Variants in ATP6V1D observed in about 807,000 individuals in gnomAD.
ATP6V1D encodes V-type proton ATPase subunit D.
ATP6V1D carries 20 observed loss-of-function variants against 39.4 expected under a neutral mutation model. The ratio of observed to expected loss-of-function variants is 0.51; its 90% CI spans 0.36 to 0.74. The LOEUF (loss-of-function observed/expected upper bound fraction) is 0.74, where lower values mean the gene tolerates loss of function less well. Among genes scored for constraint, ATP6V1D ranks in the 30% least tolerant of loss-of-function variants. The pLI, the probability that ATP6V1D is intolerant of heterozygous loss-of-function variation, is 0.00. For missense variants in ATP6V1D, 228 were observed against 291.6 expected, an observed-to-expected ratio of 0.78 and a Z score of 1.59; for synonymous variants, 100 against 100.5, an observed-to-expected ratio of 0.99 and a Z score of 0.03.
rs1314117977 is a variant in ATP6V1D at position 67,359,788 on chromosome 14, G to A, written c.-90C>T. 4 of 1,469,850 alleles carry A rather than the reference G, an allele frequency of 2.7e-6. No individual in the cohort carries two copies. Among genetic ancestry groups the A allele is most frequent in the Non-Finnish European group, 3.8e-6 (4 of 1,059,894 alleles). The allele number at this position is 1,469,850 out of a possible 1,614,324, so 91.1% of individuals were successfully genotyped here. A position where few individuals can be genotyped will look rare whatever the true frequency, so the allele number is the denominator to read the frequency against. ...TGGCCTCCACAGTGTCTTCCTCTAC[G>A]GGAGTCAGCTGGTTGTGTCACTTGA... On this transcript the variant is annotated 5_prime_UTR_variant, in exon 1 of 9. Transcript: ENST00000216442.
chr14:67,341,672 G>A (rs2085585246), intron 7 of ATP6V1D, among the ~76,000 whole-genome samples: 2 of 152,208 alleles, frequency 1.3e-5, no homozygotes, highest in South Asian at 2.1e-4. Context: ...CCACCACCCC[G>A]TCTGGGAGGT....
chr14:67,343,279 C>A, intron 7 of ATP6V1D, 93 bp downstream of exon 7: 1 of 890,190 alleles, frequency 1.1e-6, no homozygotes, highest in African/African-American at 1.7e-5. Flanking sequence ...ATTCATCTTT[C>A]AGTCTTCAGT....
intron 7 of ATP6V1D, among the ~76,000 whole-genome samples, chr14:67,341,724 C>T (rs960184743): frequency 3.9e-4 from 60 of 152,066 alleles, no homozygotes; most frequent in African/African-American, 1.4e-3. Context: ...ATGACAATGG[C>T]GGTTTTGTGG....
Position 67,345,823 on chromosome 14 carries a change from A to G in ATP6V1D, c.401T>C (p.Leu134Ser). ...CACTGCTTTGGCATAATTCCTCTTT[A>G]ATTTAGCCAACTGTTCCCCACCTCT... ...LARGGEQLAK[L>S]KRNYAKAVEL... is the part of the protein sequence containing the mutation. Residue 134 changes from leucine (L) to serine (S), a missense_variant, in exon 6 of 9, where the codon TTA becomes TCA. Coordinates refer to ENST00000216442, the MANE Select transcript of ATP6V1D (RefSeq NM_015994.4). 1 of 1,614,002 alleles carries G rather than the reference A, an allele frequency of 6.2e-7. No individual in the cohort carries two copies. The highest frequency in any genetic ancestry group is 2.2e-5 in the East Asian group (1 of 44,882).
intron 4 of ATP6V1D, among the ~76,000 whole-genome samples, chr14:67,347,760 A>C (rs2085629948): frequency 6.6e-6 from 1 of 152,142 alleles, no homozygotes; most frequent in African/African-American, 2.4e-5. Flanking sequence ...TAAACCTCCC[A>C]AAGTGCTGGG....
intron 1 of ATP6V1D, among the ~76,000 whole-genome samples, chr14:67,359,373 G>C (rs1158823684): frequency 1.3e-5 from 2 of 152,210 alleles, no homozygotes; most frequent in Non-Finnish European, 2.9e-5. Context: ...AGGGTATGTG[G>C]AATGGATGAA....
Position 67,359,631 on chromosome 14 carries a change from A to G in ATP6V1D, c.41+27T>C. ...CGCTCCGGGTTCCTAAACCTGTGAA[A>G]GCGGCTTATCCCATTCCTTTACTTA... On this transcript the variant is annotated intron_variant, in intron 1 of 8. Transcript: ENST00000216442. 2.5e-6 allele frequency: 4 copies of G among 1,613,708 alleles called. No homozygotes were observed. In the South Asian group the frequency reaches 4.4e-5, roughly 18 times the overall value.
At chr14:67,350,227 T>A (rs971533099) in intron 3 of ATP6V1D, among the ~76,000 whole-genome samples, 17 of 151,572 alleles carry the variant, frequency 1.1e-4, no homozygotes, top group Non-Finnish European at 4.4e-5. Flanking sequence ...CAAAAATACA[T>A]ATGTGTAAAA....
intron 5 of ATP6V1D, 129 bp downstream of exon 5, chr14:67,347,280 T>C (rs746633992): frequency 3.7e-5 from 27 of 733,288 alleles, no homozygotes; most frequent in Non-Finnish European, 6.2e-5. Context: ...GTCCTGACTA[T>C]ATCAAATAAG....
chr14:67,347,480 T>G, intron 4 of ATP6V1D, 27 bp from the exon 5 acceptor site: 1 of 1,561,962 alleles, frequency 6.4e-7, no homozygotes, highest in Non-Finnish European at 8.7e-7. Flanking sequence ...CATACATGGA[T>G]TCATAAACCT....
intron 1 of ATP6V1D, among the ~76,000 whole-genome samples, chr14:67,357,778 C>T (rs951882142): frequency 1.3e-5 from 2 of 152,152 alleles, no homozygotes; most frequent in African/African-American, 4.8e-5. Context: ...CAAGAAGAGT[C>T]AGAGAAGAGA....
rs142175120 is a variant in ATP6V1D at position 67,345,798 on chromosome 14, C to G, written c.426G>C (p.Val142=). Residue 142 remains valine (V), a synonymous_variant, in exon 6 of 9, where the codon GTG becomes GTC. Transcript: ENST00000216442. Reference sequence around the variant, plus strand: ...GAGAAGCTAGTTCCACCAGTAGTTCCACTGCTTTGGCATAATTCCTCTTTA... The same window carrying G: ...GAGAAGCTAGTTCCACCAGTAGTTCGACTGCTTTGGCATAATTCCTCTTTA... ...AKLKRNYAKA[V]ELLVELASLQ... 6.2e-7 allele frequency: 1 copy of G among 1,613,896 alleles called. No homozygotes were observed. The highest frequency in any genetic ancestry group is 8.5e-7 in the Non-Finnish European group (1 of 1,179,924).
intron 7 of ATP6V1D, among the ~76,000 whole-genome samples, chr14:67,342,499 T>C (rs1595633873): frequency 6.7e-6 from 1 of 150,340 alleles, no homozygotes; most frequent in East Asian, 1.9e-4. Context: ...CGACTTTACA[T>C]AGTTTACCTG....
intron 7 of ATP6V1D, among the ~76,000 whole-genome samples, chr14:67,341,693 GCTCA>G (rs1016769970): frequency 6.6e-6 from 1 of 152,258 alleles, no homozygotes; most frequent in African/African-American, 2.4e-5. Flanking sequence ...GTACCCAACA[GCTCA>G]CTGAGAACAG....
At chr14:67,347,551 G>C (rs2085628386) in intron 4 of ATP6V1D, 98 bp from the exon 5 acceptor site, 1 of 1,034,168 alleles carries the variant, frequency 9.7e-7, no homozygotes, top group African/African-American at 1.7e-5. Context: ...GCCGAGGCTG[G>C]AATGCAATGG....
chr14:67,356,088 A>T (rs956141655), intron 1 of ATP6V1D, among the ~76,000 whole-genome samples: 1 of 152,166 alleles, frequency 6.6e-6, no homozygotes, highest in Non-Finnish European at 1.5e-5. Flanking sequence ...AAGGGGATAT[A>T]ATTTCATATG....
intron 2 of ATP6V1D, among the ~76,000 whole-genome samples, chr14:67,351,857 A>G (rs1297523684): frequency 1.3e-5 from 2 of 151,884 alleles, no homozygotes; most frequent in African/African-American, 4.8e-5. Context: ...AAAGGCGTGG[A>G]AAAAATATTT....
In ATP6V1D at chr14:67,338,592, GGT is replaced by G. The variant is rs762821624; in HGVS notation, c.*27_*28del. 6.2e-7 allele frequency: 1 copy of G among 1,603,558 alleles called. No individual in the cohort carries two copies. The highest frequency in any genetic ancestry group is 1.7e-5 in the Admixed American group (1 of 57,974). On this transcript the variant is annotated 3_prime_UTR_variant, in exon 9 of 9. Transcript: ENST00000216442. ...TGAATTAAAATGAAGCCAGTGTTAGGGTTTCTCAAAGAACCAGAACAGGAAAG... is the reference window on the plus strand; with the variant it reads ...TGAATTAAAATGAAGCCAGTGTTAGGTTCTCAAAGAACCAGAACAGGAAAG...
chr14:67,340,661 C>CA (rs2085573546), intron 7 of ATP6V1D, 143 bp from the exon 8 acceptor site: 1 of 693,284 alleles, frequency 1.4e-6, no homozygotes, highest in Non-Finnish European at 2.4e-6. Flanking sequence ...AATAAAAACA[C>CA]AAAGAAGCTC....
Sources: gnomAD v4.1 joint callset for allele counts (sites outside exome capture counted in the v4.1 genomes callset) on GRCh38, gnomAD v4.1.1 for gene constraint, MANE v1.5 for transcripts, NCBI Gene and HGNC (gene_info 2026-07-23, HGNC 2026-07-21) for gene names.